ZC3H12B: variants seen among roughly 807,000 people sequenced by gnomAD.
The protein encoded by ZC3H12B is zinc finger CCCH-type containing 12B.
ZC3H12B carries 7 observed loss-of-function variants against 43.9 expected under a neutral mutation model. That is an observed-to-expected ratio of 0.16 (90% CI 0.09 to 0.30). The LOEUF is 0.30. Ranked by LOEUF, ZC3H12B falls within the 10% of genes least tolerant of loss-of-function variation. The pLI, the probability that ZC3H12B is intolerant of heterozygous loss-of-function variation, is 1.00. For missense variants in ZC3H12B, 475 were observed against 670.2 expected, an observed-to-expected ratio of 0.71 and a Z score of 3.22; for synonymous variants, 222 against 241.7, an observed-to-expected ratio of 0.92 and a Z score of 0.76.
At chrX:65,478,585 G>A (rs759320840) in intron 3 of ZC3H12B, among the ~76,000 whole-genome samples, 1 of 111,922 alleles carries the variant, frequency 8.9e-6, no homozygotes, top group South Asian at 3.7e-4. Flanking sequence ...TCTCTTCTTG[G>A]AATAGCTTAT....
At chrX:65,168,876 G>A in the ZC3H12B span, among the ~76,000 whole-genome samples, 1 of 111,679 alleles carries the variant, frequency 9.0e-6, no homozygotes, top group Admixed American at 9.5e-5. Flanking sequence ...CTGTGGAATT[G>A]ATGGTGATAT....
the ZC3H12B span, among the ~76,000 whole-genome samples, chrX:65,115,397 T>TG: frequency 8.1e-5 from 9 of 111,659 alleles, no homozygotes; most frequent in Non-Finnish European, 1.7e-4. Context: ...TCATTTTTTT[T>TG]TTGCTAAATA....
At chrX:65,332,981 A>G in the ZC3H12B span, among the ~76,000 whole-genome samples, 1 of 111,538 alleles carries the variant, frequency 9.0e-6, no homozygotes, top group Non-Finnish European at 1.9e-5. Context: ...CTTTAATGGA[A>G]CTCTGTTCCA....
At chrX:65,098,314 A>T in the ZC3H12B span, among the ~76,000 whole-genome samples, 14 of 110,865 alleles carry the variant, frequency 1.3e-4, no homozygotes, top group East Asian at 4.0e-3. Context: ...CAATCAAGAG[A>T]TATTAATAGG....
the ZC3H12B span, among the ~76,000 whole-genome samples, chrX:65,056,103 G>A: frequency 9.0e-6 from 1 of 111,662 alleles, no homozygotes. Context: ...TTTCTACTCT[G>A]ATCTTAATTC....
At chrX:65,093,263 A>G in the ZC3H12B span, among the ~76,000 whole-genome samples, 1 of 112,217 alleles carries the variant, frequency 8.9e-6, no homozygotes, top group African/African-American at 3.2e-5. Flanking sequence ...ATGCAGGAAC[A>G]AAGCCCTCAT....
At chrX:65,189,768 G>A in the ZC3H12B span, among the ~76,000 whole-genome samples, 2 of 111,118 alleles carry the variant, frequency 1.8e-5, no homozygotes, top group Non-Finnish European at 3.8e-5. Context: ...TCTGATGGTA[G>A]TTGCTTTTGC....
chrX:65,428,513 C>T (rs1331334787), intron 3 of ZC3H12B, among the ~76,000 whole-genome samples: 3 of 112,512 alleles, frequency 2.7e-5, no homozygotes, highest in Non-Finnish European at 5.6e-5. Flanking sequence ...AGTCTTCAAA[C>T]TCTGAGATTC....
intron 3 of ZC3H12B, among the ~76,000 whole-genome samples, chrX:65,411,095 G>T (rs560101647): frequency 8.9e-6 from 1 of 112,167 alleles, no homozygotes; most frequent in East Asian, 2.8e-4. Context: ...AGAAAATGTG[G>T]TGCATACACA....
At chrX:65,239,197 G>T in the ZC3H12B span, among the ~76,000 whole-genome samples, 1 of 110,874 alleles carries the variant, frequency 9.0e-6, no homozygotes, top group East Asian at 2.8e-4. Context: ...TTATTATTGT[G>T]TGTGCGTCTA....
chrX:65,116,558 AG>A, the ZC3H12B span, among the ~76,000 whole-genome samples: 2 of 109,896 alleles, frequency 1.8e-5, no homozygotes, highest in Non-Finnish European at 3.8e-5. Flanking sequence ...TTTCAATTTT[AG>A]GATTTTTTTT....
intron 1 of ZC3H12B, 25 bp downstream of exon 6, chrX:65,489,434 C>G (rs1282252495): frequency 8.7e-7 from 1 of 1,153,855 alleles, no homozygotes; most frequent in African/African-American, 1.8e-5. Flanking sequence ...TTTTTTTCTC[C>G]CATTTTAAAA....
chrX:65,179,165 C>A, the ZC3H12B span, among the ~76,000 whole-genome samples: 11 of 110,353 alleles, frequency 1.0e-4, no homozygotes, highest in East Asian at 2.9e-4. Flanking sequence ...CAACAAAAAA[C>A]CAAACACCAC....
chrX:65,203,946 G>A, the ZC3H12B span, among the ~76,000 whole-genome samples: 4 of 111,983 alleles, frequency 3.6e-5, no homozygotes, highest in Non-Finnish European at 5.6e-5. Context: ...AGCTAGAGAT[G>A]TTATAAATGG....
the ZC3H12B span, among the ~76,000 whole-genome samples, chrX:65,063,655 G>A: frequency 8.9e-6 from 1 of 112,138 alleles, no homozygotes; most frequent in African/African-American, 3.2e-5. Context: ...TTGGTATCAG[G>A]ATGATGTTGG....
chrX:65,409,301 A>G (rs2066874706), intron 3 of ZC3H12B, among the ~76,000 whole-genome samples: 1 of 111,276 alleles, frequency 9.0e-6, no homozygotes, highest in Non-Finnish European at 1.9e-5. Flanking sequence ...AAAATAAAAA[A>G]AATAAAAGCC....
intron 2 of ZC3H12B, among the ~76,000 whole-genome samples, chrX:65,385,603 T>A (rs2066511858): frequency 8.9e-6 from 1 of 112,122 alleles, no homozygotes; most frequent in Non-Finnish European, 1.9e-5. Context: ...CAGGGACAAT[T>A]TGACTTCCTC....
chrX:65,338,097 A>G, the ZC3H12B span, among the ~76,000 whole-genome samples: 2 of 111,782 alleles, frequency 1.8e-5, no homozygotes, highest in African/African-American at 6.5e-5. Context: ...TATAGTTTCT[A>G]TTGTATTGTT....
At chrX:65,312,318 AG>A in the ZC3H12B span, among the ~76,000 whole-genome samples, 3 of 111,331 alleles carry the variant, frequency 2.7e-5, no homozygotes, top group South Asian at 1.1e-3. Context: ...TACCTCTGGG[AG>A]AAACCCATCT....
Sources: gnomAD v4.1 joint callset for allele counts (sites outside exome capture counted in the v4.1 genomes callset) on GRCh38, gnomAD v4.1.1 for gene constraint, MANE v1.5 for transcripts, NCBI Gene and HGNC (gene_info 2026-07-23, HGNC 2026-07-21) for gene names.